The following WDR70 variants were observed in gnomAD, a reference collection of about 807,000 sequenced individuals.
WDR70 encodes WD repeat domain 70, also known as WD repeat-containing protein 70.
WDR70 carries 53 observed loss-of-function variants against 88.6 expected under a neutral mutation model. The ratio of observed to expected loss-of-function variants is 0.60; its 90% CI spans 0.48 to 0.75. The LOEUF (loss-of-function observed/expected upper bound fraction) is 0.75, where lower values mean the gene tolerates loss of function less well. Among genes scored for constraint, WDR70 ranks in the 30% least tolerant of loss-of-function variants. The pLI is 0.00. For missense variants in WDR70, 610 were observed against 823.2 expected, an observed-to-expected ratio of 0.74 and a Z score of 3.17; for synonymous variants, 280 against 270.0, an observed-to-expected ratio of 1.04 and a Z score of -0.36.
chr5:37,668,854 G>A (rs1329741272), intron 10 of WDR70, among the ~76,000 whole-genome samples: 1 of 152,192 alleles, frequency 6.6e-6, no homozygotes, highest in Admixed American at 6.5e-5. Context: ...GCCAAACACA[G>A]ATAAAAAATA....
At chr5:37,604,713 A>C (rs1294790326) in intron 9 of WDR70, among the ~76,000 whole-genome samples, 1 of 152,208 alleles carries the variant, frequency 6.6e-6, no homozygotes, top group Non-Finnish European at 1.5e-5. Context: ...ATACCTGCCT[A>C]TATAGGGGGC....
At chr5:37,577,388 G>A (rs890280678) in intron 9 of WDR70, among the ~76,000 whole-genome samples, 2 of 152,112 alleles carry the variant, frequency 1.3e-5, no homozygotes, top group Non-Finnish European at 2.9e-5. Flanking sequence ...AGGCTGAGGT[G>A]GGAGGATTGC....
At chr5:37,717,058 T>C (rs1364752505) in intron 13 of WDR70, among the ~76,000 whole-genome samples, 1 of 152,136 alleles carries the variant, frequency 6.6e-6, no homozygotes, top group Non-Finnish European at 1.5e-5. Flanking sequence ...TTCCAGTTCT[T>C]GTCTCTTATT....
At chr5:37,577,938 A>T (rs1743105388) in intron 9 of WDR70, among the ~76,000 whole-genome samples, 2 of 152,298 alleles carry the variant, frequency 1.3e-5, no homozygotes, top group Admixed American at 1.3e-4. Flanking sequence ...AGTCAGAGGG[A>T]TTGGTACATT....
At chr5:37,701,434 G>T (rs909333505) in intron 12 of WDR70, among the ~76,000 whole-genome samples, 2 of 152,088 alleles carry the variant, frequency 1.3e-5, no homozygotes, top group African/African-American at 4.8e-5. Flanking sequence ...AGATTCAGTT[G>T]TTCTTTTAAT....
chr5:37,630,776 A>G (rs1744792291), intron 10 of WDR70, among the ~76,000 whole-genome samples: 1 of 152,212 alleles, frequency 6.6e-6, no homozygotes, highest in African/African-American at 2.4e-5. Context: ...CAGTAGGGCT[A>G]CTGGCTCCCT....
intron 8 of WDR70, among the ~76,000 whole-genome samples, chr5:37,514,601 T>C (rs1740830820): frequency 6.6e-6 from 1 of 151,734 alleles, no homozygotes; most frequent in Admixed American, 6.6e-5. Context: ...AGTGTGTCCA[T>C]GTGTTCTTAT....
chr5:37,623,652 T>C (rs532292185), intron 10 of WDR70, among the ~76,000 whole-genome samples: 289 of 152,266 alleles, frequency 1.9e-3, no homozygotes, highest in Non-Finnish European at 2.6e-3. Context: ...GCTTATCTTC[T>C]TATGATCTTC....
At chr5:37,730,129 C>T (rs1461756950) in intron 17 of WDR70, among the ~76,000 whole-genome samples, 1 of 151,920 alleles carries the variant, frequency 6.6e-6, no homozygotes, top group Non-Finnish European at 1.5e-5. Flanking sequence ...AAAATGTCAC[C>T]GTTTTTAATA....
At chr5:37,554,692 A>G (rs1742248377) in intron 9 of WDR70, among the ~76,000 whole-genome samples, 1 of 151,514 alleles carries the variant, frequency 6.6e-6, no homozygotes, top group African/African-American at 2.4e-5. Flanking sequence ...ACACACACAC[A>G]CACACACACA....
At chr5:37,426,488 T>G (rs566296571) in intron 5 of WDR70, among the ~76,000 whole-genome samples, 141 of 152,336 alleles carry the variant, frequency 9.3e-4, no homozygotes, top group Non-Finnish European at 1.3e-3. Flanking sequence ...GTTAGCTGCT[T>G]CTTCTGGTCT....
intron 9 of WDR70, among the ~76,000 whole-genome samples, chr5:37,601,513 A>G (rs561509523): frequency 3.3e-5 from 5 of 152,298 alleles, no homozygotes; most frequent in Admixed American, 1.3e-4. Flanking sequence ...CTGGCTTGGT[A>G]TCAGGGCAAT....
At chr5:37,442,797 G>A (rs1385930104) in intron 6 of WDR70, among the ~76,000 whole-genome samples, 1 of 152,090 alleles carries the variant, frequency 6.6e-6, no homozygotes, top group Non-Finnish European at 1.5e-5. Flanking sequence ...AGCTCCCTTG[G>A]TGTTACTCAT....
At chr5:37,521,603 C>A (rs1741090864) in intron 9 of WDR70, among the ~76,000 whole-genome samples, 1 of 151,988 alleles carries the variant, frequency 6.6e-6, no homozygotes, top group East Asian at 1.9e-4. Context: ...GTTTTCCATT[C>A]CTGAGTTACT....
At chr5:37,696,840 G>A (rs1317525866) in intron 10 of WDR70, among the ~76,000 whole-genome samples, 1 of 152,218 alleles carries the variant, frequency 6.6e-6, no homozygotes, top group African/African-American at 2.4e-5. Context: ...TGAGTGGCAA[G>A]ATTGGTGTAG....
intron 9 of WDR70, among the ~76,000 whole-genome samples, chr5:37,539,284 G>T (rs1476733518): frequency 3.3e-5 from 5 of 152,090 alleles, no homozygotes; most frequent in African/African-American, 1.2e-4. Flanking sequence ...GGGAGGAGAG[G>T]GTGTTATGGG....
intron 8 of WDR70, among the ~76,000 whole-genome samples, chr5:37,493,831 CTTTT>C (rs34976552): frequency 2.1e-5 from 3 of 140,794 alleles, no homozygotes; most frequent in Non-Finnish European, 3.1e-5. Flanking sequence ...GGAAGGAATA[CTTTT>C]TTTTTTTTTT....
At chr5:37,705,656 C>A (rs1747301748) in intron 13 of WDR70, among the ~76,000 whole-genome samples, 1 of 151,628 alleles carries the variant, frequency 6.6e-6, no homozygotes. Context: ...AAAAAAAATA[C>A]ATTTCTTGGA....
chr5:37,505,905 C>A (rs1358252662), intron 8 of WDR70: 1 of 1,363,838 alleles, frequency 7.3e-7, no homozygotes, highest in African/African-American at 1.4e-5. Flanking sequence ...TGTCATCTGA[C>A]TTCCTTCCAT....
Sources: allele counts gnomAD v4.1 joint callset (sites outside exome capture counted in the v4.1 genomes callset), GRCh38; gene constraint gnomAD v4.1.1; transcripts MANE v1.5; gene names NCBI Gene and HGNC (gene_info 2026-07-23, HGNC 2026-07-21).